STARD13: variants seen among roughly 807,000 people sequenced by gnomAD.
STARD13 encodes the protein StAR related lipid transfer domain containing 13, also known as stAR-related lipid transfer protein 13.
Under a neutral mutation model 106.4 loss-of-function variants are expected in STARD13, and 62 were observed. The observed-to-expected ratio is 0.58, with a 90% CI of 0.48 to 0.72. The LOEUF (loss-of-function observed/expected upper bound fraction) is 0.72, where lower values mean the gene tolerates loss of function less well. STARD13 is among the 30% of genes least tolerant of loss of function. The pLI, the probability that STARD13 is intolerant of heterozygous loss-of-function variation, is 0.00. For synonymous variants in STARD13, 565 were observed against 553.0 expected, an observed-to-expected ratio of 1.02 and a Z score of -0.31; for missense variants, 1,387 against 1,424.0, an observed-to-expected ratio of 0.97 and a Z score of 0.42.
intron 1 of STARD13, among the ~76,000 whole-genome samples, chr13:33,184,037 T>G (rs1320377579): frequency 1.3e-5 from 2 of 152,218 alleles, no homozygotes; most frequent in Non-Finnish European, 2.9e-5. Flanking sequence ...ATGAGTTTTT[T>G]GGGGCACTGA....
the STARD13 span, among the ~76,000 whole-genome samples, chr13:33,593,396 G>C: frequency 6.6e-6 from 1 of 152,028 alleles, no homozygotes; most frequent in South Asian, 2.1e-4. Context: ...TGTTGTCCAG[G>C]CTGGTCTCAA....
chr13:33,623,052 T>A, the STARD13 span, among the ~76,000 whole-genome samples: 1 of 152,230 alleles, frequency 6.6e-6, no homozygotes, highest in Non-Finnish European at 1.5e-5. Context: ...TGAGCTGAGA[T>A]TGTGCCATGC....
chr13:33,445,009 A>G, the STARD13 span, among the ~76,000 whole-genome samples: 1 of 152,366 alleles, frequency 6.6e-6, no homozygotes, highest in African/African-American at 2.4e-5. Context: ...ACATAGCCAA[A>G]TATGACAGAT....
At chr13:33,396,251 C>T in the STARD13 span, among the ~76,000 whole-genome samples, 78 of 152,318 alleles carry the variant, frequency 5.1e-4, no homozygotes, top group African/African-American at 1.9e-3. Flanking sequence ...CTGCCTCAGC[C>T]TCCCCAAGTA....
Position 33,127,468 on chromosome 13 carries a change from C to G in STARD13, c.1827G>C (p.Thr609=). ...GCTGGAGCAGGCTCAGCTGGCTGGC[C>G]GTCTGGCTGCTGATGTGGGGCGATG... ...APASPHISSQ[T]ASQLSLLQRF... The change falls in exon 6 of 14, where the codon ACG becomes ACC. Residue 609 remains threonine, a synonymous_variant. Coordinates refer to ENST00000336934, the MANE Select transcript of STARD13 (RefSeq NM_178006.4). 6.3e-7 allele frequency: 1 copy of G among 1,598,358 alleles called. No individual in the cohort carries two copies. Among genetic ancestry groups the G allele is most frequent in the Non-Finnish European group, 8.5e-7 (1 of 1,177,160 alleles).
the STARD13 span, among the ~76,000 whole-genome samples, chr13:33,616,609 C>T: frequency 6.6e-6 from 1 of 152,196 alleles, no homozygotes; most frequent in Non-Finnish European, 1.5e-5. Context: ...CAAACACTGT[C>T]TTAGGCACTT....
chr13:33,398,156 C>T, the STARD13 span, among the ~76,000 whole-genome samples: 1 of 152,180 alleles, frequency 6.6e-6, no homozygotes, highest in Non-Finnish European at 1.5e-5. Flanking sequence ...AGACAGGTGT[C>T]CTGGTTTTTG....
Position 33,115,619 on chromosome 13 carries a change from A to G in STARD13, c.2281+2446T>C, listed in dbSNP as rs181744037. Among the ~76,000 whole-genome samples, 769 of 152,322 alleles carry G rather than the reference A, an allele frequency of 5.0e-3. 6 individuals carry two copies. The highest frequency in any genetic ancestry group is 0.017 in the African/African-American group (714 of 41,572). ...GGAAATGGGTGTCTCCCTCAGACCC[A>G]GGGATGAACCATGCTGCCCTAAACC... On this transcript the variant is annotated intron_variant, in intron 8 of 13. Coordinates refer to ENST00000336934, the MANE Select transcript of STARD13 (RefSeq NM_178006.4).
chr13:33,336,252 A>G (rs544252281), intron 1 of STARD13: 1 of 152,346 alleles, frequency 6.6e-6, no homozygotes, highest in South Asian at 2.1e-4. Flanking sequence ...CAAATTCAGC[A>G]TTTCATATCT....
At chr13:33,270,621 G>C (rs753050411) in intron 1 of STARD13, among the ~76,000 whole-genome samples, 6 of 152,172 alleles carry the variant, frequency 3.9e-5, no homozygotes, top group Non-Finnish European at 7.4e-5. Context: ...GGACAAACGT[G>C]CTCGAGAACC....
At chr13:33,170,893 A>G (rs541142215) in intron 1 of STARD13, among the ~76,000 whole-genome samples, 1 of 152,256 alleles carries the variant, frequency 6.6e-6, no homozygotes, top group South Asian at 2.1e-4. Context: ...TGCCCATCCA[A>G]TTGAGGGGGG....
At chr13:33,536,493 A>G in the STARD13 span, among the ~76,000 whole-genome samples, 6 of 152,222 alleles carry the variant, frequency 3.9e-5, no homozygotes, top group African/African-American at 1.4e-4. Context: ...GAATGTTGTA[A>G]TATTACTCAG....
chr13:33,190,550 GA>G (rs2138501631), intron 1 of STARD13, among the ~76,000 whole-genome samples: 1 of 151,732 alleles, frequency 6.6e-6, no homozygotes, highest in Admixed American at 6.6e-5. Context: ...TGTACTGTTG[GA>G]ATACTGCACC....
the STARD13 span, among the ~76,000 whole-genome samples, chr13:33,365,484 G>T: frequency 4.6e-5 from 7 of 152,206 alleles, no homozygotes; most frequent in Non-Finnish European, 8.8e-5. Flanking sequence ...GACAGTCGGG[G>T]CTGGAGAAGG....
intron 1 of STARD13, chr13:33,205,945 T>G: frequency 1.0e-6 from 1 of 985,428 alleles, no homozygotes; most frequent in Non-Finnish European, 1.2e-6. Context: ...TGTCACCGAG[T>G]GTTTTCTCTT....
the STARD13 span, among the ~76,000 whole-genome samples, chr13:33,674,747 T>G: frequency 6.6e-6 from 1 of 152,262 alleles, no homozygotes; most frequent in Non-Finnish European, 1.5e-5. Flanking sequence ...AATTTTTTTC[T>G]GGTGATTTTT....
chr13:33,490,289 G>A, the STARD13 span, among the ~76,000 whole-genome samples: 2 of 152,132 alleles, frequency 1.3e-5, no homozygotes, highest in Non-Finnish European at 2.9e-5. Context: ...GGTAGAAGAA[G>A]GCAGTTCCCC....
At chr13:33,377,186 T>G in the STARD13 span, among the ~76,000 whole-genome samples, 1 of 152,236 alleles carries the variant, frequency 6.6e-6, no homozygotes, top group Non-Finnish European at 1.5e-5. Context: ...AAGCATCTCC[T>G]TTTCCATCAA....
chr13:33,507,133 C>G, the STARD13 span, among the ~76,000 whole-genome samples: 566 of 152,232 alleles, frequency 3.7e-3, 2 homozygotes, highest in African/African-American at 0.012. Flanking sequence ...CTTTTTCCAA[C>G]TACATAACTA....
Sources: allele counts gnomAD v4.1 joint callset (sites outside exome capture counted in the v4.1 genomes callset), GRCh38; gene constraint gnomAD v4.1.1; transcripts MANE v1.5; gene names NCBI Gene and HGNC (gene_info 2026-07-23, HGNC 2026-07-21).